OSBPL10: variants seen among roughly 807,000 people sequenced by gnomAD.
OSBPL10 encodes the protein oxysterol-binding protein-related protein 10.
A neutral mutation model predicts 81.7 loss-of-function variants in OSBPL10; 49 were observed. The observed-to-expected ratio is 0.60, with a 90% CI of 0.48 to 0.76. OSBPL10 has a LOEUF of 0.76. OSBPL10 is among the 30% of genes least tolerant of loss of function. The probability of loss-of-function intolerance (pLI) is 0.00; values close to 1 mark genes in which losing one functional copy is unlikely to be tolerated. For missense variants in OSBPL10, 923 were observed against 987.8 expected (o/e 0.93, Z 0.88); for synonymous variants, 419 against 383.6 (o/e 1.09, Z -1.08).
intron 2 of OSBPL10, among the ~76,000 whole-genome samples, chr3:31,998,713 C>T (rs1699115621): frequency 6.6e-6 from 1 of 152,186 alleles, no homozygotes; most frequent in South Asian, 2.1e-4. Flanking sequence ...ACTGAGAACT[C>T]CGCCCTTTCC....
At chr3:31,740,870 T>TATATATATA (rs1553620070) in intron 5 of OSBPL10, among the ~76,000 whole-genome samples, 1 of 149,452 alleles carries the variant, frequency 6.7e-6, no homozygotes, top group African/African-American at 2.5e-5. Context: ...TATATATATG[T>TATATATATA]CATATTTCTT....
chr3:31,824,989 A>G (rs1700067539), intron 4 of OSBPL10, among the ~76,000 whole-genome samples: 1 of 152,126 alleles, frequency 6.6e-6, no homozygotes, highest in Non-Finnish European at 1.5e-5. Flanking sequence ...GCCTCCCAAC[A>G]GAGGAGGTCC....
chr3:31,796,736 C>A (rs1231103619), intron 4 of OSBPL10, among the ~76,000 whole-genome samples: 1 of 152,130 alleles, frequency 6.6e-6, no homozygotes, highest in African/African-American at 2.4e-5. Flanking sequence ...CTGGGTTTGA[C>A]AACCACTGCT....
In OSBPL10 at chr3:32,006,396, C is replaced by T. The variant is rs1699205388; in HGVS notation, n.298+40095G>A. 2.0e-5 allele frequency among the ~76,000 whole-genome samples: 3 copies of T among 152,260 alleles called. No individual in the cohort carries two copies. In the South Asian group the frequency reaches 6.2e-4, roughly 32 times the overall value. On this transcript the variant is annotated intron_variant and non_coding_transcript_variant, in intron 2 of 3. Coordinates refer to the OSBPL10 transcript ENST00000479173. ...ATGTAAAAATCTCCCTTTCTGTAAG[C>T]CAGTTGTCATCTTTGTCTACTATAT...
At chr3:31,884,522 A>G (rs1695678792) in intron 1 of OSBPL10, among the ~76,000 whole-genome samples, 1 of 152,250 alleles carries the variant, frequency 6.6e-6, no homozygotes, top group Non-Finnish European at 1.5e-5. Context: ...CTGTCCATAT[A>G]GCATTAAGAA....
At chr3:32,013,721 GAGAAGAATGA>G (rs1185480064) in intron 2 of OSBPL10, among the ~76,000 whole-genome samples, 4 of 152,112 alleles carry the variant, frequency 2.6e-5, no homozygotes, top group Admixed American at 2.6e-4. Context: ...GAAGAAAAGA[GAGAAGAATGA>G]AATAGATGCA....
chr3:31,797,709 G>A lies in OSBPL10; in HGVS notation c.729+32331C>T, dbSNP rs72861317. ...CACACAGTTTTTTTATATGTACCAT[G>A]ATATAAGTCACAGTCACTTTTTGCC... On this transcript the variant is annotated intron_variant, in intron 4 of 11. Transcript: ENST00000396556. 2,181 of 428,752 alleles carry A rather than the reference G, an allele frequency of 5.1e-3. 45 individuals are homozygous for A. The highest frequency in any genetic ancestry group is 0.039 in the African/African-American group (1,928 of 49,152). The allele number at this position is 428,752 out of a possible 1,614,324, so 26.6% of individuals were successfully genotyped here.
intron 3 of OSBPL10, among the ~76,000 whole-genome samples, chr3:31,857,786 G>GAGGAGAGACAAGGAGGT (rs1700951027): frequency 3.2e-5 from 4 of 125,388 alleles, no homozygotes; most frequent in African/African-American, 1.5e-4. Flanking sequence ...AGGGGGGTGG[G>GAGGAGAGACAAGGAGGT]GGGGAGAGAC....
chr3:31,938,191 T>G (rs1381871212), intron 1 of OSBPL10, among the ~76,000 whole-genome samples: 2 of 152,076 alleles, frequency 1.3e-5, no homozygotes, highest in African/African-American at 4.8e-5. Context: ...AGCACCTCTA[T>G]TTTCTTCTTC....
intron 1 of OSBPL10, among the ~76,000 whole-genome samples, chr3:31,897,027 A>G (rs556229504): frequency 4.2e-4 from 64 of 152,352 alleles, no homozygotes; most frequent in African/African-American, 1.5e-3. Flanking sequence ...TAAAAGGTCC[A>G]TGCCAGAGGC....
At chr3:31,899,329 G>A (rs772482237) in intron 1 of OSBPL10, among the ~76,000 whole-genome samples, 1 of 151,308 alleles carries the variant, frequency 6.6e-6, no homozygotes, top group Non-Finnish European at 1.5e-5. Flanking sequence ...AAAAGAGTAA[G>A]AAGAAAAAAA....
At chr3:31,739,041 G>A (rs1158695921) in intron 5 of OSBPL10, among the ~76,000 whole-genome samples, 3 of 152,110 alleles carry the variant, frequency 2.0e-5, no homozygotes, top group Admixed American at 2.0e-4. Flanking sequence ...AAGAAAATCA[G>A]TCATCAAGAT....
At chr3:31,865,356 A>G (rs1701152107) in intron 3 of OSBPL10, among the ~76,000 whole-genome samples, 1 of 152,226 alleles carries the variant, frequency 6.6e-6, no homozygotes, top group South Asian at 2.1e-4. Context: ...TCTTATTTCA[A>G]TGAAATTTAA....
intron 1 of OSBPL10, among the ~76,000 whole-genome samples, chr3:31,930,659 C>T (rs2125719706): frequency 6.6e-6 from 1 of 152,166 alleles, no homozygotes; most frequent in African/African-American, 2.4e-5. Flanking sequence ...CTTTTATCTC[C>T]TTCTATGGAA....
At chr3:31,761,883 T>C (rs953208413) in intron 4 of OSBPL10, among the ~76,000 whole-genome samples, 2 of 149,690 alleles carry the variant, frequency 1.3e-5, no homozygotes, top group Non-Finnish European at 2.9e-5. Flanking sequence ...AGAAGCCTTG[T>C]AAATGTCTGG....
At chr3:31,719,493 A>G (rs897432487) in intron 6 of OSBPL10, among the ~76,000 whole-genome samples, 4 of 152,194 alleles carry the variant, frequency 2.6e-5, no homozygotes, top group Non-Finnish European at 4.4e-5. Flanking sequence ...ACATAATTAT[A>G]AAAAAGGAAA....
At chr3:31,898,828 T>C (rs1264150740) in intron 1 of OSBPL10, among the ~76,000 whole-genome samples, 1 of 151,316 alleles carries the variant, frequency 6.6e-6, no homozygotes, top group African/African-American at 2.4e-5. Context: ...CATAAAATAA[T>C]AAAGATGTTT....
At chr3:31,826,730 A>C (rs1700108975) in intron 4 of OSBPL10, among the ~76,000 whole-genome samples, 1 of 152,200 alleles carries the variant, frequency 6.6e-6, no homozygotes, top group Non-Finnish European at 1.5e-5. Context: ...TATGCTCTGA[A>C]ATTAATAACT....
intron 4 of OSBPL10, among the ~76,000 whole-genome samples, chr3:31,751,258 G>T (rs906763326): frequency 6.6e-6 from 1 of 152,162 alleles, no homozygotes; most frequent in East Asian, 1.9e-4. Flanking sequence ...TGAGATGGGA[G>T]GATCTCTTGA....
Sources: gnomAD v4.1 joint callset for allele counts (sites outside exome capture counted in the v4.1 genomes callset) on GRCh38, gnomAD v4.1.1 for gene constraint, MANE v1.5 for transcripts, NCBI Gene and HGNC (gene_info 2026-07-23, HGNC 2026-07-21) for gene names.